The following DIS3L variants were observed in gnomAD, a reference collection of about 807,000 sequenced individuals.
DIS3L encodes the protein DIS3-like exonuclease 1.
A neutral mutation model predicts 120.3 loss-of-function variants in DIS3L; 100 were observed. The observed-to-expected ratio is 0.83, with a 90% CI of 0.71 to 0.98. The LOEUF is 0.98. DIS3L is among the 50% of genes least tolerant of loss of function. The probability of loss-of-function intolerance (pLI) is 0.00; values close to 1 mark genes in which losing one functional copy is unlikely to be tolerated. For missense variants in DIS3L, 1,196 were observed against 1,314.2 expected (o/e 0.91, Z 1.39); for synonymous variants, 426 against 470.6 (o/e 0.91, Z 1.23).
chr15:66,308,542 G>A (rs899628201), intron 3 of DIS3L, among the ~76,000 whole-genome samples, 167 bp from the exon 4 acceptor site: 2 of 152,158 alleles, frequency 1.3e-5, no homozygotes, highest in African/African-American at 4.8e-5. Flanking sequence ...ATCCCCCAGA[G>A]CACCCAGCCC....
rs2092552709 is a variant in DIS3L, at chr15:66,293,885, G to A, written c.139+150G>A. On this transcript the variant is annotated intron_variant, in intron 1 of 16. Transcript: ENST00000319212. ...CGCCCGCTCGCCGGCCTCACCCCCC[G>A]GCTCTCTGCCGGTGGGGACCCAGCG... 3 of 1,002,778 alleles carry A rather than the reference G, an allele frequency of 3.0e-6. No individual in the cohort carries two copies. In the African/African-American group the frequency reaches 5.2e-5, roughly 17 times the overall value. The allele number at this position is 1,002,778 out of a possible 1,614,324, so 62.1% of individuals were successfully genotyped here.
rs768361795 is a variant in DIS3L at position 66,333,321 on chromosome 15, T to C, written c.*9T>C. 1.3e-6 allele frequency: 2 copies of C among 1,583,508 alleles called. No individual in the cohort carries two copies. The highest frequency in any genetic ancestry group is 8.6e-7 in the Non-Finnish European group (1 of 1,169,052). ...ACAATTATGGAATATGAGAGGCTCT[T>C]ACTTCACTAAGAGCTGTCATATGTG... On this transcript the variant is annotated 3_prime_UTR_variant, in exon 17 of 17. Coordinates refer to ENST00000319212, the MANE Select transcript of DIS3L (RefSeq NM_001143688.3).
Position 66,295,148 on chromosome 15 carries a change from G to A in DIS3L, c.293+7G>A, listed in dbSNP as rs779456791. On this transcript the variant is annotated splice_region_variant and intron_variant, in intron 2 of 16. Transcript: ENST00000319212. ...AGCATCAAAGAGGCAGGAGGTATAC[G>A]TTTTGCATTCTTTATTTCTATATGG... 1.2e-6 allele frequency: 2 copies of A among 1,612,068 alleles called. No homozygotes were observed. The highest frequency in any genetic ancestry group is 1.7e-6 in the Non-Finnish European group (2 of 1,179,088).
At chr15:66,307,045 G>T (rs1466070124) in intron 3 of DIS3L, 93 bp downstream of exon 3, 2 of 1,494,896 alleles carry the variant, frequency 1.3e-6, no homozygotes, top group Non-Finnish European at 1.8e-6. Context: ...TAGTCTGCTA[G>T]AACAAACCAA....
intron 14 of DIS3L, 92 bp from the exon 15 acceptor site, chr15:66,331,783 T>C: frequency 3.7e-6 from 5 of 1,349,068 alleles, no homozygotes; most frequent in Non-Finnish European, 4.9e-6. Flanking sequence ...TTAATAGTTT[T>C]ACAGAATCTC....
intron 5 of DIS3L, 48 bp from the exon 6 acceptor site, chr15:66,313,991 G>A: frequency 6.7e-7 from 1 of 1,489,728 alleles, no homozygotes; most frequent in Non-Finnish European, 9.0e-7. Flanking sequence ...AGATAAACCA[G>A]GCGGAAAAGA....
intron 12 of DIS3L, among the ~76,000 whole-genome samples, 183 bp from the exon 13 acceptor site, chr15:66,328,782 CTTGTT>C (rs967704350): frequency 6.6e-6 from 1 of 152,138 alleles, no homozygotes; most frequent in African/African-American, 2.4e-5. Flanking sequence ...TTCTGACACT[CTTGTT>C]TTGTTTAAGC....
chr15:66,331,839 G>T (rs377557782), intron 14 of DIS3L, 36 bp from the exon 15 acceptor site: 9 of 1,489,048 alleles, frequency 6.0e-6, no homozygotes, highest in Non-Finnish European at 8.1e-6. Context: ...AATGCCAGGG[G>T]AGTGTTAAAA....
At chr15:66,326,541 A>G in intron 12 of DIS3L, 177 bp downstream of exon 12, 1 of 724,068 alleles carries the variant, frequency 1.4e-6, no homozygotes, top group Non-Finnish European at 2.2e-6. Context: ...ATAGAGACTT[A>G]AAACAAGTTT....
At chr15:66,321,608 A>G (rs1489986930) in intron 9 of DIS3L, among the ~76,000 whole-genome samples, 2 of 152,088 alleles carry the variant, frequency 1.3e-5, no homozygotes, top group Admixed American at 6.6e-5. Flanking sequence ...CTAAAAACAC[A>G]CAAAAAAAGT....
chr15:66,296,765 G>A (rs571199672), intron 2 of DIS3L, among the ~76,000 whole-genome samples: 15 of 152,066 alleles, frequency 9.9e-5, no homozygotes, highest in East Asian at 1.9e-4. Flanking sequence ...CTCATGATCC[G>A]CCTGCCTCAG....
intron 9 of DIS3L, among the ~76,000 whole-genome samples, chr15:66,321,616 A>G (rs1481228160): frequency 6.6e-5 from 10 of 152,066 alleles, no homozygotes. Flanking sequence ...ACACAAAAAA[A>G]GTATCTAGGC....
chr15:66,309,094 A>AAATATATAT, intron 4 of DIS3L, among the ~76,000 whole-genome samples: 1 of 15,318 alleles, frequency 6.5e-5, no homozygotes, highest in African/African-American at 2.0e-4. Context: ...AAAAAAAAAA[A>AAATATATAT]ATATATATAT....
rs1232233125 is a variant in DIS3L at position 66,331,940 on chromosome 15, C to T, written c.2601C>T (p.Asp867=). The T allele has an allele frequency of 1.2e-6, 2 of 1,613,440 alleles. No homozygotes were observed. Among genetic ancestry groups the T allele is most frequent in the Admixed American group, 1.7e-5 (1 of 59,956 alleles). The change falls in exon 15 of 17, where the codon GAC becomes GAT. Residue 867 remains aspartate (D), a synonymous_variant. Transcript: ENST00000319212. ...AGTGCATGTACTTCAAAGACAAAGA[C>T]CCTGCCACCGAGGAGCGTTGCATAT... ...LFQCMYFKDK[D]PATEERCISD...
rs373752710 is a variant in DIS3L, at chr15:66,315,078, A to G, written c.857A>G (p.Asn286Ser). Reference protein sequence around the residue: ...DILIHGMKARNRSIHGDVVVV... With the variant: ...DILIHGMKARSRSIHGDVVVV... ...CTAATCCACGGGATGAAGGCTCGAA[A>G]CCGCTCAATTCATGGAGATGTGGTA... is the stretch of plus-strand genomic sequence containing the variant. The change falls in exon 7 of 17, where the codon AAC becomes AGC. Residue 286 changes from asparagine (N) to serine (S), a missense_variant. Transcript: ENST00000319212. 1.2e-6 allele frequency: 2 copies of G among 1,614,146 alleles called. No individual in the cohort carries two copies. Among genetic ancestry groups the G allele is most frequent in the Non-Finnish European group, 1.7e-6 (2 of 1,180,004 alleles).
chr15:66,308,820 A>C lies in DIS3L; in HGVS notation c.534A>C (p.Glu178Asp). ...EAIQQYGSET[E>D]GVFVITFKNY... Reference sequence around the variant, plus strand: ...TTCAGCAGTATGGAAGTGAAACAGAAGGAGTATTCGTGATTACTTTCAAGG... The same window carrying C: ...TTCAGCAGTATGGAAGTGAAACAGACGGAGTATTCGTGATTACTTTCAAGG... Residue 178 changes from glutamate to aspartate, a missense_variant, in exon 4 of 17, where the codon GAA (glutamate) becomes GAC (aspartate). Physicochemically the swap from Glu to Asp is conservative, Grantham distance 45 (BLOSUM62 2). Coordinates refer to ENST00000319212, the MANE Select transcript of DIS3L (RefSeq NM_001143688.3). The C allele has an allele frequency of 6.2e-7, 1 of 1,613,484 alleles. No homozygotes were observed. Among genetic ancestry groups the C allele is most frequent in the East Asian group, 2.2e-5 (1 of 44,860 alleles).
At chr15:66,325,692 T>C in intron 11 of DIS3L, 139 bp from the exon 12 acceptor site, 4 of 977,744 alleles carry the variant, frequency 4.1e-6, no homozygotes, top group Non-Finnish European at 5.9e-6. Context: ...GTCCAGGAGA[T>C]TGAGGCAGCA....
At chr15:66,304,900 CAAA>C (rs796324536) in intron 2 of DIS3L, among the ~76,000 whole-genome samples, 3,113 of 56,244 alleles carry the variant, frequency 0.055, 85 homozygotes, top group Admixed American at 0.14. Context: ...GACTCCGTCT[CAAA>C]AAAAAAAAAA....
chr15:66,295,636 G>A (rs1196969496), intron 2 of DIS3L, among the ~76,000 whole-genome samples: 2 of 152,168 alleles, frequency 1.3e-5, no homozygotes, highest in Non-Finnish European at 2.9e-5. Context: ...GATTACTAGT[G>A]TAACTACCAG....
Sources: gnomAD v4.1 joint callset for allele counts (sites outside exome capture counted in the v4.1 genomes callset) on GRCh38, gnomAD v4.1.1 for gene constraint, MANE v1.5 for transcripts, NCBI Gene and HGNC (gene_info 2026-07-23, HGNC 2026-07-21) for gene names.